FSTL5: variants seen among roughly 807,000 people sequenced by gnomAD.
FSTL5 encodes the protein follistatin like 5.
Under a neutral mutation model 89.1 loss-of-function variants are expected in FSTL5, and 62 were observed. The observed-to-expected ratio is 0.70, with a 90% CI of 0.57 to 0.86. The LOEUF is 0.86. Ranked by LOEUF, FSTL5 falls within the 40% of genes least tolerant of loss-of-function variation. The pLI is 0.00. For missense variants in FSTL5, 1,057 were observed against 1,001.6 expected (o/e 1.06, Z -0.75); for synonymous variants, 383 against 346.2 (o/e 1.11, Z -1.18).
At chr4:161,932,285 T>C (rs1453377871) in intron 3 of FSTL5, among the ~76,000 whole-genome samples, 5 of 151,894 alleles carry the variant, frequency 3.3e-5, no homozygotes, top group Middle Eastern at 3.2e-3. Flanking sequence ...TATATAAAAA[T>C]AAGAAATTTT....
chr4:161,658,570 C>T (rs1400498117), intron 6 of FSTL5, among the ~76,000 whole-genome samples: 3 of 150,124 alleles, frequency 2.0e-5, no homozygotes, highest in Admixed American at 2.0e-4. Flanking sequence ...CATATAAAAC[C>T]ACACATACAT....
At chr4:161,578,300 A>G (rs115884475) in intron 8 of FSTL5, among the ~76,000 whole-genome samples, 3,064 of 152,246 alleles carry the variant, frequency 0.02, 42 homozygotes, top group Non-Finnish European at 0.027. Context: ...GAAAAATATA[A>G]TATCTAAAAT....
intron 3 of FSTL5, among the ~76,000 whole-genome samples, chr4:161,972,430 G>A (rs1237645977): frequency 6.6e-6 from 1 of 152,152 alleles, no homozygotes; most frequent in Non-Finnish European, 1.5e-5. Flanking sequence ...ATAACATTCT[G>A]ATATCTGTCT....
intron 4 of FSTL5, among the ~76,000 whole-genome samples, chr4:161,836,035 C>T (rs1731027547): frequency 1.3e-5 from 2 of 152,182 alleles, no homozygotes; most frequent in South Asian, 4.1e-4. Flanking sequence ...TTCACCATAG[C>T]AAAGACTTGG....
At chr4:162,049,816 T>G (rs1438156233) in intron 2 of FSTL5, among the ~76,000 whole-genome samples, 1 of 152,006 alleles carries the variant, frequency 6.6e-6, no homozygotes, top group Non-Finnish European at 1.5e-5. Flanking sequence ...ATAAGCATGA[T>G]GACTATACTT....
At chr4:161,461,672 T>C (rs1290687460) in intron 13 of FSTL5, among the ~76,000 whole-genome samples, 2 of 152,096 alleles carry the variant, frequency 1.3e-5, no homozygotes, top group African/African-American at 2.4e-5. Flanking sequence ...TGTGTTAGAA[T>C]GCCAGATGTT....
At chr4:161,504,470 T>C (rs1030827954) in intron 11 of FSTL5, among the ~76,000 whole-genome samples, 87 of 143,006 alleles carry the variant, frequency 6.1e-4, no homozygotes, top group Non-Finnish European at 1.1e-3. Flanking sequence ...AGATTGTTTT[T>C]CGTTTTTGTT....
At chr4:162,120,194 A>G (rs1385074134) in intron 1 of FSTL5, among the ~76,000 whole-genome samples, 1 of 152,144 alleles carries the variant, frequency 6.6e-6, no homozygotes, top group Non-Finnish European at 1.5e-5. Context: ...TTTTAGAGGT[A>G]CTGAGATGTA....
At chr4:161,731,616 C>T (rs191131619) in intron 6 of FSTL5, among the ~76,000 whole-genome samples, 1 of 152,146 alleles carries the variant, frequency 6.6e-6, no homozygotes, top group Non-Finnish European at 1.5e-5. Context: ...ATTAAAACCT[C>T]TTTTCTTCAT....
Position 162,148,346 on chromosome 4 carries a change from T to C in FSTL5, c.-17+15269A>G, listed in dbSNP as rs78912463. 9.8e-5 allele frequency among the ~76,000 whole-genome samples: 15 copies of C among 152,310 alleles called. 1 individual carries two copies. In the East Asian group the frequency reaches 1.9e-3, roughly 20 times the overall value. ...CACTGAGAAAAAAATGCACTATTTG[T>C]GTTTTTTAGTGTGATAATTATTGTG... is the stretch of plus-strand genomic sequence containing the variant. On this transcript the variant is annotated intron_variant, in intron 1 of 15. Coordinates refer to ENST00000306100, the MANE Select transcript of FSTL5 (RefSeq NM_020116.5).
chr4:161,608,057 G>A (rs1734513521), intron 7 of FSTL5, among the ~76,000 whole-genome samples: 2 of 152,100 alleles, frequency 1.3e-5, no homozygotes, highest in South Asian at 4.1e-4. Context: ...AGAAATTGGA[G>A]AAATTTGTTT....
At chr4:161,404,947 G>A (rs997482170) in intron 15 of FSTL5, among the ~76,000 whole-genome samples, 4 of 151,984 alleles carry the variant, frequency 2.6e-5, no homozygotes, top group Non-Finnish European at 4.4e-5. Flanking sequence ...AAATTTGCTC[G>A]TAGCTGGGGG....
intron 15 of FSTL5, among the ~76,000 whole-genome samples, chr4:161,426,440 C>T (rs1732170004): frequency 6.6e-6 from 1 of 152,152 alleles, no homozygotes; most frequent in African/African-American, 2.4e-5. Flanking sequence ...AACTAACAGA[C>T]ATGATTCAGT....
At chr4:161,531,256 A>G (rs1578903266) in intron 10 of FSTL5, among the ~76,000 whole-genome samples, 1 of 152,316 alleles carries the variant, frequency 6.6e-6, no homozygotes, top group East Asian at 1.9e-4. Flanking sequence ...GCAAAACACA[A>G]ACTCCTTAGC....
At chr4:161,674,099 A>G (rs1425297563) in intron 6 of FSTL5, among the ~76,000 whole-genome samples, 2 of 152,082 alleles carry the variant, frequency 1.3e-5, no homozygotes, top group African/African-American at 4.8e-5. Flanking sequence ...GATTTTCACT[A>G]TTAATAGAAG....
intron 3 of FSTL5, among the ~76,000 whole-genome samples, chr4:161,926,455 G>A (rs1474850444): frequency 6.8e-6 from 1 of 146,626 alleles, no homozygotes; most frequent in Non-Finnish European, 1.5e-5. Flanking sequence ...ATAATAAGTA[G>A]AAAAAAGCCA....
chr4:161,564,592 G>A lies in FSTL5; in HGVS notation c.1016-21899C>T, dbSNP rs1297913459. ...TTTACTATTTCCTTGACATAGTAAT[G>A]TATCACCTGTAAATATTCACTTTCA... On this transcript the variant is annotated intron_variant, in intron 8 of 15. Coordinates refer to ENST00000306100, the MANE Select transcript of FSTL5 (RefSeq NM_020116.5). 6.0e-5 allele frequency among the ~76,000 whole-genome samples: 9 copies of A among 151,234 alleles called. No homozygotes were observed. In the South Asian group the frequency reaches 1.2e-3, roughly 21 times the overall value.
intron 8 of FSTL5, among the ~76,000 whole-genome samples, chr4:161,584,482 C>T (rs1733540406): frequency 6.6e-6 from 1 of 152,076 alleles, no homozygotes; most frequent in South Asian, 2.1e-4. Context: ...GGATTATTCC[C>T]ATCAGCATAA....
chr4:161,697,938 G>GTT (rs1553959291), intron 6 of FSTL5, among the ~76,000 whole-genome samples: 1 of 149,640 alleles, frequency 6.7e-6, no homozygotes, highest in Non-Finnish European at 1.5e-5. Flanking sequence ...AATATGGGAA[G>GTT]GTGTGTGTGT....
Sources: allele counts gnomAD v4.1 joint callset (sites outside exome capture counted in the v4.1 genomes callset), GRCh38; gene constraint gnomAD v4.1.1; transcripts MANE v1.5; gene names NCBI Gene and HGNC (gene_info 2026-07-23, HGNC 2026-07-21).